Variants in XDH observed in about 807,000 individuals in gnomAD.
The protein encoded by XDH is xanthine dehydrogenase/oxidase.
XDH carries 138 observed loss-of-function variants against 156.1 expected under a neutral mutation model. The observed-to-expected ratio is 0.88, with a 90% CI of 0.77 to 1.02. XDH has a LOEUF of 1.02. Ranked by LOEUF, XDH falls within the 50% of genes least tolerant of loss-of-function variation. The pLI, the probability that XDH is intolerant of heterozygous loss-of-function variation, is 0.00. For missense variants in XDH, 1,849 were observed against 1,684.9 expected, an observed-to-expected ratio of 1.10 and a Z score of -1.71; for synonymous variants, 669 against 625.7, an observed-to-expected ratio of 1.07 and a Z score of -1.03.
intron 15 of XDH, among the ~76,000 whole-genome samples, 174 bp from the exon 16 acceptor site, chr2:31,374,130 G>C (rs1372050328): frequency 6.6e-6 from 1 of 152,188 alleles, no homozygotes; most frequent in African/African-American, 2.4e-5. Flanking sequence ...TGAGAGCTCA[G>C]AATTTAAGAG....
chr2:31,381,711 T>A lies in XDH; in HGVS notation c.1054A>T (p.Ile352Phe). 6.2e-7 allele frequency: 1 copy of A among 1,613,736 alleles called. No homozygotes were observed. Among genetic ancestry groups the A allele is most frequent in the Non-Finnish European group, 8.5e-7 (1 of 1,179,898 alleles). The change falls in exon 12 of 36, where the codon ATC becomes TTC. Residue 352 changes from isoleucine to phenylalanine, a missense_variant. Transcript: ENST00000379416. ...TCGGAGATGGGGCTGGCAGTGATGA[T>A]GTTCCCTCCAACGGACTAAAACAAG... ...VKSVASVGGN[I>F]ITASPISDLN...
At chr2:31,384,306 T>C (rs559794525) in intron 9 of XDH, 84 of 182,218 alleles carry the variant, frequency 4.6e-4, no homozygotes, top group African/African-American at 1.9e-3. Context: ...ACAGAAAAGT[T>C]AAGTTTCTTG....
rs1328673928 is a variant in XDH at position 31,405,888 on chromosome 2, C to T, written c.100+19G>A. On this transcript the variant is annotated intron_variant, in intron 2 of 35. Transcript: ENST00000379416. ...CATTGCCCCCCTTCTCCGTCACTCC[C>T]ACTCCAAAGTCAGGATACACTTTCT... 1.2e-6 allele frequency: 2 copies of T among 1,614,040 alleles called. No homozygotes were observed. Among genetic ancestry groups the T allele is most frequent in the Non-Finnish European group, 8.5e-7 (1 of 1,179,944 alleles).
rs376072451 is a variant in XDH, at chr2:31,350,125, C to T, written c.2730G>A (p.Thr910=). The change falls in exon 25 of 36, where the codon ACG becomes ACA. Residue 910 remains threonine (T), a synonymous_variant. Transcript: ENST00000379416. ...GGGGCCCCCCAAAGCCCCGGAAGGC[C>T]GTGTTGGAGGGAAGGTTGGTTTTGC... The part of the protein sequence containing the change: ...RLCKTNLPSN[T]AFRGFGGPQG... The T allele has an allele frequency of 1.4e-5, 22 of 1,614,204 alleles. No individual in the cohort carries two copies. The highest frequency in any genetic ancestry group is 8.8e-5 in the South Asian group (8 of 91,086).
In XDH at chr2:31,373,918, A is replaced by C; in HGVS notation, c.1641T>G (p.Thr547=). The C allele has an allele frequency of 6.2e-7, 1 of 1,614,038 alleles. No individual in the cohort carries two copies. Among genetic ancestry groups the C allele is most frequent in the Non-Finnish European group, 8.5e-7 (1 of 1,179,956 alleles). The change falls in exon 16 of 36, where the codon ACT becomes ACG. Residue 547 remains threonine, a synonymous_variant. Transcript: ENST00000379416. ...CTGGGGGGTCTTTCTGAAACAGTAA[A>C]GTTGCACTGGCGAAAGTGGGGTCCA... The part of the protein sequence containing the change: ...GKLDPTFASA[T]LLFQKDPPAD...
intron 32 of XDH, among the ~76,000 whole-genome samples, 164 bp downstream of exon 32, chr2:31,342,019 T>C (rs1035254323): frequency 6.6e-6 from 1 of 152,190 alleles, no homozygotes; most frequent in African/African-American, 2.4e-5. Flanking sequence ...GCCCACGAAG[T>C]CTAAAACACT....
rs143981573 is a variant in XDH, at chr2:31,339,616, G to T, written c.3647C>A (p.Pro1216His). 1,654 of 1,614,080 alleles carry T rather than the reference G, an allele frequency of 1.0e-3. 3 individuals are homozygous for T. The highest frequency in any genetic ancestry group is 1.2e-3 in the Non-Finnish European group (1,449 of 1,179,966). The change falls in exon 34 of 36, where the codon CCC becomes CAC. Residue 1216 changes from proline to histidine, a missense_variant. Transcript: ENST00000379416. ...LFTLEELHYS[P>H]EGSLHTRGPS... Reference sequence around the variant, plus strand: ...GCCACGGGTGTGCAGGCTCCCCTCGGGGGAATAGTGTAGCTCCTCTAGGGT... The same window carrying T: ...GCCACGGGTGTGCAGGCTCCCCTCGTGGGAATAGTGTAGCTCCTCTAGGGT...
chr2:31,346,584 T>C (rs565399133), intron 30 of XDH, among the ~76,000 whole-genome samples, 185 bp downstream of exon 30: 2 of 152,294 alleles, frequency 1.3e-5, no homozygotes, highest in Non-Finnish European at 2.9e-5. Flanking sequence ...ATGAAAGCTA[T>C]AGAGAAAGGG....
intron 17 of XDH, among the ~76,000 whole-genome samples, 179 bp from the exon 18 acceptor site, chr2:31,370,657 A>C (rs901463125): frequency 6.6e-6 from 1 of 152,212 alleles, no homozygotes; most frequent in African/African-American, 2.4e-5. Context: ...ATGTTGATTA[A>C]ATCCTCACCA....
intron 5 of XDH, 93 bp downstream of exon 5, chr2:31,398,480 A>G: frequency 1.3e-6 from 2 of 1,596,542 alleles, no homozygotes; most frequent in Non-Finnish European, 1.7e-6. Flanking sequence ...TCCAAAGGGT[A>G]GTCCCTCATG....
chr2:31,398,798 G>A, intron 4 of XDH, 99 bp from the exon 5 acceptor site: 2 of 1,578,660 alleles, frequency 1.3e-6, no homozygotes, highest in Non-Finnish European at 1.7e-6. Flanking sequence ...AGATAGTGGG[G>A]GTAGTAATCA....
At chr2:31,379,762 G>A in intron 13 of XDH, 105 bp downstream of exon 13, 1 of 1,089,988 alleles carries the variant, frequency 9.2e-7, no homozygotes, top group Non-Finnish European at 1.4e-6. Flanking sequence ...TGTAAAGGTT[G>A]AGAGATGCTC....
At chr2:31,392,763 A>C (rs1686802221) in intron 6 of XDH, among the ~76,000 whole-genome samples, 2 of 152,158 alleles carry the variant, frequency 1.3e-5, no homozygotes, top group Admixed American at 1.3e-4. Context: ...ATATGCATTC[A>C]ATACTATAAA....
chr2:31,392,995 T>A (rs564978292), intron 6 of XDH, among the ~76,000 whole-genome samples: 2 of 152,352 alleles, frequency 1.3e-5, no homozygotes, highest in East Asian at 3.9e-4. Flanking sequence ...AAAGCAGACA[T>A]TGTATGATCT....
chr2:31,361,974 C>A (rs867444338), intron 24 of XDH, among the ~76,000 whole-genome samples: 50 of 152,108 alleles, frequency 3.3e-4, no homozygotes, highest in African/African-American at 1.1e-3. Flanking sequence ...AAACAAAAGG[C>A]TAGATATAGA....
chr2:31,344,378 A>G (rs1685223520), intron 31 of XDH, among the ~76,000 whole-genome samples: 1 of 152,166 alleles, frequency 6.6e-6, no homozygotes, highest in Non-Finnish European at 1.5e-5. Context: ...TACGTCACCC[A>G]TGAGGAAACA....
intron 6 of XDH, among the ~76,000 whole-genome samples, chr2:31,388,651 T>A (rs1218473759): frequency 6.6e-6 from 1 of 152,192 alleles, no homozygotes; most frequent in African/African-American, 2.4e-5. Flanking sequence ...GATATTCCCA[T>A]TGGCTCTCTC....
In XDH at chr2:31,375,452, G is replaced by T. The variant is rs957954268; in HGVS notation, c.1530C>A (p.Thr510=). 2.5e-6 allele frequency: 4 copies of T among 1,614,152 alleles called. No homozygotes were observed. Among genetic ancestry groups the T allele is most frequent in the South Asian group, 2.2e-5 (2 of 91,076 alleles). Residue 510 remains threonine (T), a synonymous_variant, in exon 15 of 36, where the codon ACC becomes ACA. Coordinates refer to ENST00000379416, the MANE Select transcript of XDH (RefSeq NM_000379.4). ...APGGMVDFRC[T]LTLSFFFKFY... Reference sequence around the variant, plus strand: ...ACTTGAAGAAGAAGCTGAGGGTGAGGGTGCACCGGAAGTCCACCATGCCAC... The same window carrying T: ...ACTTGAAGAAGAAGCTGAGGGTGAGTGTGCACCGGAAGTCCACCATGCCAC...
At chr2:31,378,591 A>AGCC (rs1258147638) in intron 13 of XDH, among the ~76,000 whole-genome samples, 2 of 152,230 alleles carry the variant, frequency 1.3e-5, no homozygotes, top group East Asian at 3.9e-4. Context: ...TGGGGCACTG[A>AGCC]GCCCAGAGTT....
Sources: gnomAD v4.1 joint callset for allele counts (sites outside exome capture counted in the v4.1 genomes callset) on GRCh38, gnomAD v4.1.1 for gene constraint, MANE v1.5 for transcripts, NCBI Gene and HGNC (gene_info 2026-07-23, HGNC 2026-07-21) for gene names.